Variants in SLC4A8 observed in about 807,000 individuals in gnomAD.
SLC4A8 encodes the protein solute carrier family 4 member 8.
A neutral mutation model predicts 125.0 loss-of-function variants in SLC4A8; 40 were observed. That is an observed-to-expected ratio of 0.32 (90% CI 0.25 to 0.42). The LOEUF is 0.42. Ranked by LOEUF, SLC4A8 falls within the 10% of genes least tolerant of loss-of-function variation. The pLI is 1.00. For synonymous variants in SLC4A8, 456 were observed against 476.0 expected (o/e 0.96, Z 0.55); for missense variants, 863 against 1,355.1 (o/e 0.64, Z 5.70).
chr12:51,479,310 G>A (rs1364269960), intron 16 of SLC4A8, among the ~76,000 whole-genome samples: 12 of 152,120 alleles, frequency 7.9e-5, no homozygotes, highest in East Asian at 5.8e-4. Flanking sequence ...CCACACAGGC[G>A]TCAAAAATGG....
chr12:51,406,138 G>A (rs1292464573), intron 1 of SLC4A8, among the ~76,000 whole-genome samples: 1 of 152,232 alleles, frequency 6.6e-6, no homozygotes, highest in Non-Finnish European at 1.5e-5. Context: ...AGCAGCAGCT[G>A]TAGTTGCATT....
rs201537648 is a variant in SLC4A8 at position 51,479,699 on chromosome 12, A to AG, written c.2172+4494dup. Among the ~76,000 whole-genome samples, 28 of 49,852 alleles carry AG rather than the reference A, an allele frequency of 5.6e-4. No individual in the cohort carries two copies. The East Asian group carries it at 9.8e-3, about 17-fold the overall frequency. The allele number at this position is 49,852 out of a possible 152,430, so 32.7% of individuals were successfully genotyped here. On this transcript the variant is annotated intron_variant, in intron 16 of 24. Transcript: ENST00000453097. ...CTTGGTCTCAAAAAAAAAAAAAAAA[A>AG]GAAATGTGGACAAATATAGCTAGCA...
chr12:51,496,908 G>A, intron 21 of SLC4A8, 79 bp from the exon 22 acceptor site: 1 of 1,444,640 alleles, frequency 6.9e-7, no homozygotes. Flanking sequence ...CTAGTCTGCT[G>A]TGAAAATAAG....
chr12:51,431,867 C>T (rs1949196825), intron 1 of SLC4A8, among the ~76,000 whole-genome samples: 1 of 152,132 alleles, frequency 6.6e-6, no homozygotes, highest in Non-Finnish European at 1.5e-5. Context: ...TTAAGCTATT[C>T]TTACTGTGGG....
chr12:51,485,044 C>T (rs549060133), intron 16 of SLC4A8, among the ~76,000 whole-genome samples: 6 of 152,002 alleles, frequency 3.9e-5, no homozygotes, highest in African/African-American at 7.2e-5. Flanking sequence ...GAAACAGCAA[C>T]GCAGTCTGTG....
intron 5 of SLC4A8, among the ~76,000 whole-genome samples, chr12:51,454,291 G>A (rs893897046): frequency 2.6e-5 from 4 of 152,170 alleles, no homozygotes; most frequent in African/African-American, 9.7e-5. Flanking sequence ...AGTGAGTGTA[G>A]GGGTGGGTTG....
chr12:51,462,375 C>G lies in SLC4A8; in HGVS notation c.1167C>G (p.Phe389Leu). Residue 389 changes from phenylalanine (F) to leucine (L), a missense_variant, in exon 10 of 25, where the codon TTC becomes TTG. Around this residue, in one of 6 missense-constraint regions of SLC4A8, gnomAD observed 390 missense variants for 634.4 expected, o/e 0.61. Transcript: ENST00000453097. The stretch of plus-strand genomic sequence containing the variant: ...ATCTCCTGGCGGGGATTGATGAGTT[C>G]CTAGACCAGGTGACGGTGCTCCCTC... ...RDDLLAGIDE[F>L]LDQVTVLPPG... The G allele has an allele frequency of 6.2e-7, 1 of 1,613,052 alleles. No homozygotes were observed. The highest frequency in any genetic ancestry group is 8.5e-7 in the Non-Finnish European group (1 of 1,179,582).
chr12:51,442,819 C>T (rs930885746), intron 2 of SLC4A8, among the ~76,000 whole-genome samples: 1 of 152,176 alleles, frequency 6.6e-6, no homozygotes, highest in Non-Finnish European at 1.5e-5. Context: ...GTGGGTTCCA[C>T]TCAGACTCAC....
At position 51,475,186 on chromosome 12, in the gene SLC4A8, A is replaced by G; in HGVS notation, c.2152A>G (p.Ser718Gly). The G allele has an allele frequency of 6.2e-7, 1 of 1,614,130 alleles. No individual in the cohort carries two copies. The highest frequency in any genetic ancestry group is 8.5e-7 in the Non-Finnish European group (1 of 1,179,994). Residue 718 changes from serine (S) to glycine (G), a missense_variant, in exon 16 of 25, where the codon AGC becomes GGC. Physicochemically the swap from Ser to Gly is moderately conservative, Grantham distance 56 (BLOSUM62 0). Around this residue, in one of 6 missense-constraint regions of SLC4A8, gnomAD observed 197 missense variants for 377.7 expected, o/e 0.52. Coordinates refer to ENST00000453097, the MANE Select transcript of SLC4A8 (RefSeq NM_001039960.3). ...AAGCACCTTAAAGACGTTTAAGACG[A>G]GCCGTTATTTCCCAACCAGAGTAGG... is the stretch of plus-strand genomic sequence containing the variant. Reference protein sequence around the residue: ...LSSTLKTFKTSRYFPTRVRSM... With the variant: ...LSSTLKTFKTGRYFPTRVRSM...
intron 13 of SLC4A8, 127 bp downstream of exon 13, chr12:51,470,652 A>G: frequency 1.1e-6 from 1 of 875,910 alleles, no homozygotes; most frequent in Non-Finnish European, 1.8e-6. Context: ...CTGAAAGGAG[A>G]CCATCATTTG....
rs529379045 is a variant in SLC4A8, at chr12:51,435,496, G to A, written c.49-5212G>A. 5.3e-5 allele frequency among the ~76,000 whole-genome samples: 8 copies of A among 152,192 alleles called. No homozygotes were observed. In the East Asian group the frequency reaches 1.3e-3, roughly 26 times the overall value. The stretch of plus-strand genomic sequence containing the variant: ...TGTGAAGCCAGGCGTGGTGGCTCGC[G>A]CCTGTAATCCTAGCACTTTGGGAGG... On this transcript the variant is annotated intron_variant, in intron 1 of 24. Transcript: ENST00000453097.
At chr12:51,398,528 T>C (rs1948309884) in intron 1 of SLC4A8, among the ~76,000 whole-genome samples, 1 of 152,242 alleles carries the variant, frequency 6.6e-6, no homozygotes, top group Non-Finnish European at 1.5e-5. Flanking sequence ...TGAGAGCTTT[T>C]TCTGCTCAAA....
At chr12:51,420,372 T>C (rs1948762883), upstream of SLC4A8, among the ~76,000 whole-genome samples, 1 of 152,214 alleles carries the variant, frequency 6.6e-6, no homozygotes, top group African/African-American at 2.4e-5. Flanking sequence ...GTTAAGATGC[T>C]TTTGATGAAA....
chr12:51,482,471 T>C (rs1951056349), intron 16 of SLC4A8, among the ~76,000 whole-genome samples: 1 of 151,992 alleles, frequency 6.6e-6, no homozygotes, highest in South Asian at 2.1e-4. Flanking sequence ...CTCCACCTCC[T>C]TGGGTTCAAG....
chr12:51,396,033 C>T (rs769818105), intron 1 of SLC4A8, among the ~76,000 whole-genome samples: 1 of 152,226 alleles, frequency 6.6e-6, no homozygotes, highest in African/African-American at 2.4e-5. Flanking sequence ...CATAATCACT[C>T]ATGCGCTACA....
At chr12:51,444,443 T>G (rs534987216) in intron 2 of SLC4A8, among the ~76,000 whole-genome samples, 1 of 152,308 alleles carries the variant, frequency 6.6e-6, no homozygotes, top group East Asian at 1.9e-4. Context: ...AGACAGGCAT[T>G]GCGATTGGCT....
chr12:51,470,601 C>T (rs895306602), intron 13 of SLC4A8, 76 bp downstream of exon 13: 409 of 1,351,314 alleles, frequency 3.0e-4, no homozygotes, highest in Non-Finnish European at 3.8e-4. Context: ...CAGGGTTCTA[C>T]TCAGTACAGA....
intron 16 of SLC4A8, among the ~76,000 whole-genome samples, chr12:51,483,172 C>A (rs1386613554): frequency 6.6e-6 from 1 of 152,114 alleles, no homozygotes; most frequent in African/African-American, 2.4e-5. Context: ...TTGCCGGTAC[C>A]CACCAGCCCA....
At chr12:51,459,296 G>A (rs992063564) in intron 7 of SLC4A8, among the ~76,000 whole-genome samples, 3 of 152,200 alleles carry the variant, frequency 2.0e-5, no homozygotes, top group African/African-American at 4.8e-5. Context: ...GGGAAAGAAT[G>A]TGACCCAGAG....
Sources: allele counts gnomAD v4.1 joint callset (sites outside exome capture counted in the v4.1 genomes callset), GRCh38; gene constraint gnomAD v4.1.1; regional missense constraint gnomAD v4.1.1; transcripts MANE v1.5; gene names NCBI Gene and HGNC (gene_info 2026-07-23, HGNC 2026-07-21).